ANO4: variants seen among roughly 807,000 people sequenced by gnomAD.
ANO4 encodes anoctamin 4, also known as anoctamin-4.
In ANO4, 69 loss-of-function variants were observed where a neutral mutation model predicts 141.9. That is an observed-to-expected ratio of 0.49 (90% CI 0.40 to 0.59). The LOEUF is 0.59. Among genes scored for constraint, ANO4 ranks in the 20% least tolerant of loss-of-function variants. ANO4 has a pLI of 0.00. For synonymous variants in ANO4, 350 were observed against 394.3 expected (o/e 0.89, Z 1.33); for missense variants, 894 against 1,162.2 (o/e 0.77, Z 3.36).
At chr12:100,806,439 C>T (rs1180058683) in intron 1 of ANO4, among the ~76,000 whole-genome samples, 1 of 148,922 alleles carries the variant, frequency 6.7e-6, no homozygotes, top group Non-Finnish European at 1.5e-5. Flanking sequence ...CTTCTATGAG[C>T]TAACTCTTTG....
intron 5 of ANO4, among the ~76,000 whole-genome samples, chr12:100,946,803 A>G (rs928041933): frequency 6.6e-6 from 1 of 152,192 alleles, no homozygotes; most frequent in Non-Finnish European, 1.5e-5. Context: ...TAGTGTTACA[A>G]TTTGGATGAT....
At chr12:100,789,338 G>A (rs2135603707) in intron 3 of ANO4, among the ~76,000 whole-genome samples, 1 of 152,276 alleles carries the variant, frequency 6.6e-6, no homozygotes, top group East Asian at 1.9e-4. Context: ...ACTGAAGCAA[G>A]GCACTTGGAA....
intron 16 of ANO4, among the ~76,000 whole-genome samples, chr12:101,085,333 G>T (rs971497149): frequency 6.6e-6 from 1 of 152,040 alleles, no homozygotes. Context: ...GTGTCTGTGG[G>T]TTCTGCATTT....
chr12:100,815,767 GTGTT>G (rs1454057840), intron 1 of ANO4, among the ~76,000 whole-genome samples: 2 of 151,822 alleles, frequency 1.3e-5, no homozygotes, highest in African/African-American at 2.4e-5. Flanking sequence ...GTGTGTGTGT[GTGTT>G]TGTGTGTGTG....
intron 1 of ANO4, among the ~76,000 whole-genome samples, chr12:100,886,612 G>A (rs1198668463): frequency 1.3e-5 from 2 of 152,074 alleles, no homozygotes; most frequent in African/African-American, 4.8e-5. Flanking sequence ...TCCCTGAACC[G>A]TGTAAGTCAG....
At chr12:101,040,324 A>G (rs1470932071) in intron 11 of ANO4, among the ~76,000 whole-genome samples, 1 of 152,240 alleles carries the variant, frequency 6.6e-6, no homozygotes, top group Admixed American at 6.5e-5. Context: ...TGGGCATGTG[A>G]GATCAGCCAG....
intron 3 of ANO4, among the ~76,000 whole-genome samples, chr12:100,755,161 G>A (rs1356457020): frequency 6.6e-6 from 1 of 152,114 alleles, no homozygotes; most frequent in Non-Finnish European, 1.5e-5. Flanking sequence ...TGCCCCTCAT[G>A]GTCTAACCTG....
chr12:100,843,086 G>A (rs1259585221), intron 1 of ANO4, among the ~76,000 whole-genome samples: 1 of 152,028 alleles, frequency 6.6e-6, no homozygotes, highest in Non-Finnish European at 1.5e-5. Context: ...TTCTTTTATA[G>A]CATAGCAATT....
At chr12:100,970,811 C>T (rs909134643) in intron 5 of ANO4, among the ~76,000 whole-genome samples, 6 of 151,930 alleles carry the variant, frequency 3.9e-5, no homozygotes, top group African/African-American at 2.4e-5. Context: ...CTCCACCTTT[C>T]GGGTTCAAGC....
chr12:101,127,641 C>T (rs1593341141), intron 27 of ANO4, among the ~76,000 whole-genome samples: 1 of 152,162 alleles, frequency 6.6e-6, no homozygotes, highest in East Asian at 1.9e-4. Context: ...TTCTATTTCC[C>T]CAATAGTTGG....
intron 1 of ANO4, among the ~76,000 whole-genome samples, chr12:100,848,836 G>C (rs576707313): frequency 6.6e-6 from 1 of 152,278 alleles, no homozygotes; most frequent in African/African-American, 2.4e-5. Flanking sequence ...TACTCTGATA[G>C]AGCTGGGCTT....
At chr12:100,771,301 T>C (rs1239906475) in intron 3 of ANO4, among the ~76,000 whole-genome samples, 1 of 152,148 alleles carries the variant, frequency 6.6e-6, no homozygotes, top group East Asian at 1.9e-4. Flanking sequence ...GAACCAACTC[T>C]ACTGACTCTT....
In ANO4 at chr12:101,102,534, G is replaced by GT. The variant is rs547664292; in HGVS notation, c.2149+2822dup. ...CTTGTGAATTTATATTCAAGCCCAT[G>GT]TTTTTTTTGTGGGTATCTGTCTTTT... On this transcript the variant is annotated intron_variant, in intron 22 of 27. Coordinates refer to ENST00000392977, the MANE Select transcript of ANO4 (RefSeq NM_001286615.2). Among the ~76,000 whole-genome samples the GT allele has an allele frequency of 5.3e-5, 8 of 151,710 alleles. No homozygotes were observed. The South Asian group carries it at 6.2e-4, about 12-fold the overall frequency.
At chr12:100,927,629 G>T (rs1477004837) in intron 3 of ANO4, among the ~76,000 whole-genome samples, 1 of 152,042 alleles carries the variant, frequency 6.6e-6, no homozygotes, top group African/African-American at 2.4e-5. Context: ...ACATTAGCTG[G>T]CTACTGTGAA....
intron 8 of ANO4, among the ~76,000 whole-genome samples, chr12:101,009,908 A>T (rs1029112610): frequency 6.6e-6 from 1 of 151,746 alleles, no homozygotes; most frequent in African/African-American, 2.4e-5. Flanking sequence ...TTGATAATCT[A>T]TATATTTTTG....
At chr12:100,967,329 A>G (rs2043716656) in intron 5 of ANO4, among the ~76,000 whole-genome samples, 1 of 152,144 alleles carries the variant, frequency 6.6e-6, no homozygotes, top group Admixed American at 6.6e-5. Context: ...GTGGCAAGGA[A>G]TACTTAATAA....
In ANO4 at chr12:100,847,653, A is replaced by G. The variant is rs1367016614; in HGVS notation, c.-141+52626A>G. Reference sequence around the variant, plus strand: ...CGCCTGGCTAATTTTTTGTATTTTTAGTAGAGACGGGGTTTCACCGTGTTA... The same window carrying G: ...CGCCTGGCTAATTTTTTGTATTTTTGGTAGAGACGGGGTTTCACCGTGTTA... On this transcript the variant is annotated intron_variant, in intron 1 of 27. Coordinates refer to ENST00000392977, the MANE Select transcript of ANO4 (RefSeq NM_001286615.2). 2.0e-5 allele frequency among the ~76,000 whole-genome samples: 3 copies of G among 152,110 alleles called. 1 individual carries two copies. Among genetic ancestry groups the G allele is most frequent in the African/African-American group, 7.2e-5 (3 of 41,508 alleles).
intron 8 of ANO4, among the ~76,000 whole-genome samples, chr12:100,995,667 G>A (rs934300749): frequency 4.6e-5 from 7 of 152,328 alleles, no homozygotes; most frequent in Middle Eastern, 3.4e-3. Context: ...TACTGTGCAT[G>A]TATGAAACAG....
At chr12:101,027,781 A>G (rs112016562) in intron 9 of ANO4, among the ~76,000 whole-genome samples, 94 of 152,228 alleles carry the variant, frequency 6.2e-4, no homozygotes, top group Middle Eastern at 3.4e-3. Context: ...TTAGCCCAGA[A>G]TGCCACCCAG....
Sources: gnomAD v4.1 joint callset for allele counts (sites outside exome capture counted in the v4.1 genomes callset) on GRCh38, gnomAD v4.1.1 for gene constraint, MANE v1.5 for transcripts, NCBI Gene and HGNC (gene_info 2026-07-23, HGNC 2026-07-21) for gene names.